Variants in KMT2C observed in about 807,000 individuals in gnomAD.
KMT2C encodes the protein histone-lysine N-methyltransferase 2C.
A neutral mutation model predicts 507.9 loss-of-function variants in KMT2C; 88 were observed. The ratio of observed to expected loss-of-function variants is 0.17; its 90% CI spans 0.15 to 0.21. The LOEUF is 0.21. KMT2C is among the 10% of genes least tolerant of loss of function. KMT2C has a pLI of 1.00. For synonymous variants in KMT2C, 2,049 were observed against 2,080.8 expected, an observed-to-expected ratio of 0.98 and a Z score of 0.42; for missense variants, 4,954 against 5,957.8, an observed-to-expected ratio of 0.83 and a Z score of 5.55.
At chr7:152,241,667 G>A (rs1200586206) in intron 14 of KMT2C, among the ~76,000 whole-genome samples, 1 of 152,128 alleles carries the variant, frequency 6.6e-6, no homozygotes, top group Non-Finnish European at 1.5e-5. Context: ...GGCAGTGGGG[G>A]CAAAAGATAC....
intron 1 of KMT2C, among the ~76,000 whole-genome samples, chr7:152,359,383 C>A (rs2097177792): frequency 6.6e-6 from 1 of 150,694 alleles, no homozygotes; most frequent in African/African-American, 2.4e-5. Flanking sequence ...CACATAAGAG[C>A]AACAAGATAT....
intron 6 of KMT2C, among the ~76,000 whole-genome samples, chr7:152,276,246 A>G (rs1228986328): frequency 6.6e-6 from 1 of 152,230 alleles, no homozygotes; most frequent in African/African-American, 2.4e-5. Flanking sequence ...ACAGTCTGGA[A>G]TGTATCTTCC....
At chr7:152,269,005 T>A (rs184223721) in intron 7 of KMT2C, among the ~76,000 whole-genome samples, 1,839 of 152,332 alleles carry the variant, frequency 0.012, 21 homozygotes, top group Middle Eastern at 0.017. Context: ...ATTACTGAAT[T>A]AAATAAAATT....
At position 152,315,389 on chromosome 7, in the gene KMT2C, AC is replaced by A. The variant is rs749698976; in HGVS notation, c.390-52del. The A allele has an allele frequency of 6.0e-6, 8 of 1,334,050 alleles. No individual in the cohort carries two copies. The East Asian group carries it at 1.6e-4, about 27-fold the overall frequency. The allele number at this position is 1,334,050 out of a possible 1,614,324, so 82.6% of individuals were successfully genotyped here. A position where few individuals can be genotyped will look rare whatever the true frequency, so the allele number is the denominator to read the frequency against. ...AGAAGGAGAAAAGTAGCTTTATTCA[AC>A]TGCTTTAAGCGATAACTATAGATAC... On this transcript the variant is annotated intron_variant, in intron 3 of 58. Transcript: ENST00000262189.
chr7:152,200,046 C>T (rs1329561750), intron 26 of KMT2C, among the ~76,000 whole-genome samples: 4 of 152,140 alleles, frequency 2.6e-5, no homozygotes, highest in African/African-American at 7.2e-5. Flanking sequence ...AAGATCTCTC[C>T]AAAATTTCTC....
intron 1 of KMT2C, among the ~76,000 whole-genome samples, chr7:152,424,808 A>AT (rs896514270): frequency 1.3e-5 from 2 of 152,128 alleles, no homozygotes; most frequent in African/African-American, 4.8e-5. Context: ...GGACACTGAG[A>AT]TAGTTAAGCC....
At position 152,330,643 on chromosome 7, in the gene KMT2C, G is replaced by T; in HGVS notation, c.347C>A (p.Ser116Ter). 1 of 1,614,062 alleles carries T rather than the reference G, an allele frequency of 6.2e-7. No homozygotes were observed. The highest frequency in any genetic ancestry group is 8.5e-7 in the Non-Finnish European group (1 of 1,179,978). The change falls in exon 3 of 59, where the codon TCG (serine) becomes TAG (stop). Residue 116 changes from serine to a stop codon, truncating the protein, a stop_gained. Transcript: ENST00000262189. LOFTEE classifies it high-confidence loss of function. Reference protein sequence around the residue: ...PTLQRSVSEESANSLVSVGVE... With the variant: ...PTLQRSVSEE ...ACCAACAGAGACCAGGGAGTTTGCC[G>T]ATTCCTCAGACACAGATCGCTGAAG...
At chr7:152,273,363 G>A (rs755145199) in intron 7 of KMT2C, among the ~76,000 whole-genome samples, 50 of 152,232 alleles carry the variant, frequency 3.3e-4, no homozygotes, top group Non-Finnish European at 5.7e-4. Flanking sequence ...GCTTTTTAGT[G>A]TTGATTGACT....
At chr7:152,393,042 A>G (rs1351487477) in intron 1 of KMT2C, among the ~76,000 whole-genome samples, 1 of 152,174 alleles carries the variant, frequency 6.6e-6, no homozygotes, top group Non-Finnish European at 1.5e-5. Flanking sequence ...GGCTGCAAGG[A>G]GCCATGACTG....
chr7:152,179,659 TGGG>T (rs55814405), intron 37 of KMT2C, among the ~76,000 whole-genome samples, 172 bp downstream of exon 37: 8,191 of 66,426 alleles, frequency 0.12, 607 homozygotes, highest in East Asian at 0.2. Context: ...TTGAAGAGGT[TGGG>T]GGGGGGGGGG....
rs748525626 is a variant in KMT2C at position 152,177,519 on chromosome 7, A to T, written c.7934T>A (p.Val2645Asp). The T allele has an allele frequency of 8.7e-6, 14 of 1,614,068 alleles. No individual in the cohort carries two copies. In the African/African-American group the frequency reaches 1.2e-4, roughly 14 times the overall value. The change falls in exon 38 of 59, where the codon GTC becomes GAC. Residue 2645 changes from valine (V) to aspartate (D), a missense_variant. Transcript: ENST00000262189. ...TAGTGGATGGTTCAGAGTCCTCATG[A>T]CCATAGAAGATGAATGGACAGAATG... ...QGHSVHSSSM[V>D]MRTLNHPLGG...
intron 25 of KMT2C, 57 bp from the exon 26 acceptor site, chr7:152,203,121 A>C (rs1422932506): frequency 1.4e-6 from 2 of 1,445,902 alleles, no homozygotes; most frequent in Non-Finnish European, 1.9e-6. Flanking sequence ...AGACAAACCC[A>C]CTGAAGGTAA....
In KMT2C at chr7:152,308,673, CAAAAAAAAA is replaced by C. The variant is rs938826373; in HGVS notation, c.849+1284_849+1292del. ...CTGCACAACACAGCAAAACTCCTCT[CAAAAAAAAA>C]AAAAAAAAAAAAAAAAAAGGAAGGC... On this transcript the variant is annotated intron_variant, in intron 6 of 58. Transcript: ENST00000262189. Among the ~76,000 whole-genome samples, 46 of 24,562 alleles carry C rather than the reference CAAAAAAAAA, an allele frequency of 1.9e-3. 1 individual carries two copies. Among genetic ancestry groups the C allele is most frequent in the African/African-American group, 6.1e-3 (41 of 6,726 alleles). The allele number at this position is 24,562 out of a possible 152,430, so 16.1% of individuals were successfully genotyped here. A position where few individuals can be genotyped will look rare whatever the true frequency, so the allele number is the denominator to read the frequency against.
rs185195473 is a variant in KMT2C at position 152,430,599 on chromosome 7, C to T, written c.161+5027G>A. ...GACTAGAGTGTAGTGGTGTGATGTC[C>T]GTTCACTGCAGCCTCAACCTCCAAG... is the stretch of plus-strand genomic sequence containing the variant. On this transcript the variant is annotated intron_variant, in intron 1 of 58. Transcript: ENST00000262189. 3.4e-3 allele frequency among the ~76,000 whole-genome samples: 524 copies of T among 152,246 alleles called. 1 individual carries two copies. Among genetic ancestry groups the T allele is most frequent in the Middle Eastern group, 0.01 (3 of 294 alleles).
At chr7:152,430,368 A>G (rs543743516) in intron 1 of KMT2C, among the ~76,000 whole-genome samples, 4 of 149,292 alleles carry the variant, frequency 2.7e-5, no homozygotes, top group Non-Finnish European at 6.0e-5. Flanking sequence ...AACAATATAG[A>G]AAAAAAAAAG....
At position 152,199,433 on chromosome 7, in the gene KMT2C, T is replaced by C. The variant is rs200353453; in HGVS notation, c.4119A>G (p.Leu1373=). Reference sequence around the variant, plus strand: ...TTATCTTGCTTTGTCTACTTGTATCTAGAAGATCTTTTCCAAAGAAAGCTT... The same window carrying C: ...TTATCTTGCTTTGTCTACTTGTATCCAGAAGATCTTTTCCAAAGAAAGCTT... The part of the protein sequence containing the change: ...LQEAFFGKDL[L]DTSRQSKISL... The change falls in exon 27 of 59, where the codon CTA becomes CTG. Residue 1373 remains leucine, a synonymous_variant. Coordinates refer to ENST00000262189, the MANE Select transcript of KMT2C (RefSeq NM_170606.3). The C allele has an allele frequency of 4.5e-6, 7 of 1,559,560 alleles. No homozygotes were observed. The African/African-American group carries it at 7.0e-5, about 16-fold the overall frequency.
intron 1 of KMT2C, among the ~76,000 whole-genome samples, chr7:152,419,120 G>A (rs2097763586): frequency 6.6e-6 from 1 of 152,070 alleles, no homozygotes; most frequent in Non-Finnish European, 1.5e-5. Flanking sequence ...GGGAGGCCAA[G>A]GCAGGTGGAT....
intron 41 of KMT2C, among the ~76,000 whole-genome samples, chr7:152,167,651 AT>A (rs2092790185): frequency 6.6e-6 from 1 of 152,250 alleles, no homozygotes; most frequent in Non-Finnish European, 1.5e-5. Flanking sequence ...AAGCAGACTT[AT>A]GTAATGAAAT....
chr7:152,166,547 AT>A (rs1339909595), intron 42 of KMT2C, among the ~76,000 whole-genome samples: 25 of 152,284 alleles, frequency 1.6e-4, no homozygotes, highest in African/African-American at 5.8e-4. Context: ...CCAGTATATT[AT>A]TCAGTTTAAA....
Sources: gnomAD v4.1 joint callset for allele counts (sites outside exome capture counted in the v4.1 genomes callset) on GRCh38, gnomAD v4.1.1 for gene constraint, MANE v1.5 for transcripts, NCBI Gene and HGNC (gene_info 2026-07-23, HGNC 2026-07-21) for gene names.